Variants in MTHFD1L observed in about 807,000 individuals in gnomAD.
MTHFD1L encodes monofunctional C1-tetrahydrofolate synthase, mitochondrial.
In MTHFD1L, 81 loss-of-function variants were observed where a neutral mutation model predicts 119.5. The observed-to-expected ratio is 0.68, with a 90% CI of 0.57 to 0.82. The LOEUF is 0.82. MTHFD1L is among the 40% of genes least tolerant of loss of function. MTHFD1L has a pLI of 0.00. For missense variants in MTHFD1L, 1,125 were observed against 1,253.4 expected, an observed-to-expected ratio of 0.90 and a Z score of 1.55; for synonymous variants, 430 against 475.2, an observed-to-expected ratio of 0.90 and a Z score of 1.24.
chr6:150,955,502 T>G (rs1454516254), intron 16 of MTHFD1L, among the ~76,000 whole-genome samples: 2 of 148,220 alleles, frequency 1.3e-5, no homozygotes, highest in African/African-American at 2.5e-5. Flanking sequence ...TGGGTTTTTT[T>G]TTTTTTTTTT....
At chr6:151,019,976 C>T (rs565377728) in intron 24 of MTHFD1L, among the ~76,000 whole-genome samples, 22 of 152,314 alleles carry the variant, frequency 1.4e-4, no homozygotes, top group Admixed American at 9.8e-4. Flanking sequence ...ACAACCAACC[C>T]TTGGGTGCTG....
At chr6:151,054,725 C>G (rs1554294238) in intron 26 of MTHFD1L, among the ~76,000 whole-genome samples, 1 of 151,850 alleles carries the variant, frequency 6.6e-6, no homozygotes, top group Non-Finnish European at 1.5e-5. Flanking sequence ...ATGGGTAATC[C>G]AAAAAAGACC....
chr6:150,865,763 C>A lies in MTHFD1L; in HGVS notation c.-60C>A, dbSNP rs1778187046. ...CGCCGCCGCCTGCTCCCCTGGCACGCGCCCCGCCGCCCTCGGCAGCCGCAG... is the reference window on the plus strand; with the variant it reads ...CGCCGCCGCCTGCTCCCCTGGCACGAGCCCCGCCGCCCTCGGCAGCCGCAG... On this transcript the variant is annotated 5_prime_UTR_variant, in exon 1 of 28. Coordinates refer to ENST00000367321, the MANE Select transcript of MTHFD1L (RefSeq NM_015440.5). 1 of 1,213,600 alleles carries A rather than the reference C, an allele frequency of 8.2e-7. No individual in the cohort carries two copies. 75.2% of individuals were successfully genotyped at this position (1,213,600 alleles called of 1,614,324 possible). A position where few individuals can be genotyped will look rare whatever the true frequency, so the allele number is the denominator to read the frequency against.
At chr6:150,874,248 A>C (rs1316711685) in intron 1 of MTHFD1L, among the ~76,000 whole-genome samples, 1 of 152,244 alleles carries the variant, frequency 6.6e-6, no homozygotes, top group Non-Finnish European at 1.5e-5. Context: ...GGAATGAAGT[A>C]GCTTTATCCC....
At chr6:150,922,880 G>A (rs995945202) in intron 10 of MTHFD1L, among the ~76,000 whole-genome samples, 1 of 152,132 alleles carries the variant, frequency 6.6e-6, no homozygotes, top group African/African-American at 2.4e-5. Flanking sequence ...CTGACCTCAG[G>A]TGATCTGCCC....
At chr6:151,009,534 C>CA (rs5880912) in intron 20 of MTHFD1L, among the ~76,000 whole-genome samples, 64 of 147,836 alleles carry the variant, frequency 4.3e-4, no homozygotes, top group Non-Finnish European at 5.4e-4. Context: ...ACACCATCTC[C>CA]AAAAAAAAAA....
intron 20 of MTHFD1L, among the ~76,000 whole-genome samples, chr6:151,007,620 C>T (rs182972842): frequency 2.6e-5 from 4 of 152,244 alleles, no homozygotes; most frequent in Admixed American, 6.5e-5. Flanking sequence ...AGGACAGCGC[C>T]GCATAATCCA....
intron 26 of MTHFD1L, among the ~76,000 whole-genome samples, chr6:151,072,679 C>A (rs946559211): frequency 5.3e-5 from 8 of 151,932 alleles, no homozygotes; most frequent in African/African-American, 1.7e-4. Context: ...ATCCCAGCAA[C>A]TTGGGAGGCT....
chr6:150,939,011 G>T (rs1296656556), intron 13 of MTHFD1L, among the ~76,000 whole-genome samples: 2 of 152,148 alleles, frequency 1.3e-5, no homozygotes, highest in Non-Finnish European at 2.9e-5. Flanking sequence ...TGATTAACAG[G>T]TGCTGACCTA....
intron 24 of MTHFD1L, among the ~76,000 whole-genome samples, chr6:151,020,812 C>G (rs1381954341): frequency 6.6e-6 from 1 of 152,188 alleles, no homozygotes; most frequent in African/African-American, 2.4e-5. Context: ...TTATCGTTCA[C>G]TAAGAGAATA....
At chr6:150,969,354 T>G (rs1357385465) in intron 19 of MTHFD1L, among the ~76,000 whole-genome samples, 1 of 152,024 alleles carries the variant, frequency 6.6e-6, no homozygotes, top group African/African-American at 2.4e-5. Flanking sequence ...TCAGAACCCT[T>G]AAAAAGCAAA....
intron 4 of MTHFD1L, among the ~76,000 whole-genome samples, chr6:150,879,624 GTT>G (rs551381943): frequency 2.8e-5 from 3 of 107,870 alleles, no homozygotes; most frequent in African/African-American, 3.8e-5. Context: ...TGCCACTGGT[GTT>G]TTTTTTTTTT....
At chr6:151,032,713 A>T (rs1785519405) in intron 24 of MTHFD1L, among the ~76,000 whole-genome samples, 1 of 152,178 alleles carries the variant, frequency 6.6e-6, no homozygotes, top group Admixed American at 6.5e-5. Flanking sequence ...CCATGAGCAA[A>T]CTATTTTCCT....
At chr6:151,093,566 G>C (rs1420589986) in intron 27 of MTHFD1L, among the ~76,000 whole-genome samples, 1 of 152,110 alleles carries the variant, frequency 6.6e-6, no homozygotes, top group Non-Finnish European at 1.5e-5. Context: ...CTGAGGCAGA[G>C]AATTGCTTGA....
intron 20 of MTHFD1L, among the ~76,000 whole-genome samples, chr6:151,001,744 G>A (rs1780653224): frequency 6.6e-6 from 1 of 152,114 alleles, no homozygotes; most frequent in Admixed American, 6.6e-5. Context: ...TGGGTACCAA[G>A]TCCAGGTGGA....
chr6:150,882,811 T>C lies in MTHFD1L; in HGVS notation c.467T>C (p.Leu156Pro). 6.3e-7 allele frequency: 1 copy of C among 1,577,256 alleles called. No individual in the cohort carries two copies. The highest frequency in any genetic ancestry group is 8.6e-7 in the Non-Finnish European group (1 of 1,167,598). The change falls in exon 5 of 28, where the codon CTT becomes CCT. Residue 156 changes from leucine (L) to proline (P), a missense_variant. Leu to Pro is a moderately conservative substitution (Grantham distance 98, BLOSUM62 -3). Coordinates refer to ENST00000367321, the MANE Select transcript of MTHFD1L (RefSeq NM_015440.5). ...AATGAAGATACCAGAGTACATGGCC[T>C]TGCCCTTCAGATCTCTGAGAACTTG... ...KINEDTRVHG[L>P]ALQISENLFS...
intron 13 of MTHFD1L, among the ~76,000 whole-genome samples, chr6:150,942,040 CCT>C (rs1158017431): frequency 2.0e-5 from 3 of 152,150 alleles, no homozygotes; most frequent in Non-Finnish European, 2.9e-5. Context: ...GAGTGGATCA[CCT>C]GAGGTCAGGA....
chr6:151,027,168 T>A (rs962676544), intron 24 of MTHFD1L, among the ~76,000 whole-genome samples: 4 of 152,202 alleles, frequency 2.6e-5, no homozygotes, highest in East Asian at 3.9e-4. Flanking sequence ...GCTTTTTTTT[T>A]AATATCTTGC....
At chr6:151,063,373 C>T (rs1005290371) in intron 26 of MTHFD1L, among the ~76,000 whole-genome samples, 3 of 152,186 alleles carry the variant, frequency 2.0e-5, no homozygotes, top group African/African-American at 4.8e-5. Flanking sequence ...AAACTTTTCC[C>T]TCTTGAATCT....
Sources: gnomAD v4.1 joint callset for allele counts (sites outside exome capture counted in the v4.1 genomes callset) on GRCh38, gnomAD v4.1.1 for gene constraint, MANE v1.5 for transcripts, NCBI Gene and HGNC (gene_info 2026-07-23, HGNC 2026-07-21) for gene names.